SYNE2: variants seen among roughly 807,000 people sequenced by gnomAD.
SYNE2 encodes the protein nesprin-2.
Under a neutral mutation model 856.3 loss-of-function variants are expected in SYNE2, and 431 were observed. The ratio of observed to expected loss-of-function variants is 0.50; its 90% CI spans 0.47 to 0.55. The LOEUF (loss-of-function observed/expected upper bound fraction) is 0.55. SYNE2 is among the 20% of genes least tolerant of loss of function. SYNE2 has a pLI of 0.00. For missense variants in SYNE2, 8,129 were observed against 8,023.2 expected (o/e 1.01, Z -0.50); for synonymous variants, 2,923 against 2,872.3 (o/e 1.02, Z -0.56).
Position 64,103,328 on chromosome 14 carries a change from T to A in SYNE2, c.12492+1286T>A, listed in dbSNP as rs374372554. On this transcript the variant is annotated intron_variant, in intron 64 of 115. Transcript: ENST00000555002. ...ATTAACATGCCACTCTTTTGGGAGTTTTGGGTGGAGGGTCTCTCCATAATC... is the reference window on the plus strand; with the variant it reads ...ATTAACATGCCACTCTTTTGGGAGTATTGGGTGGAGGGTCTCTCCATAATC... Among the ~76,000 whole-genome samples, 243 of 151,572 alleles carry A rather than the reference T, an allele frequency of 1.6e-3. 2 individuals are homozygous for A. Among genetic ancestry groups the A allele is most frequent in the African/African-American group, 4.9e-3 (203 of 41,154 alleles).
Position 64,225,643 on chromosome 14 carries a change from C to T in SYNE2, c.*117C>T. 1 of 1,164,388 alleles carries T rather than the reference C, an allele frequency of 8.6e-7. No homozygotes were observed. Among genetic ancestry groups the T allele is most frequent in the Non-Finnish European group, 1.3e-6 (1 of 794,778 alleles). 72.1% of individuals were successfully genotyped at this position (1,164,388 alleles called of 1,614,324 possible). On this transcript the variant is annotated 3_prime_UTR_variant, in exon 116 of 116. Transcript: ENST00000555002. The stretch of plus-strand genomic sequence containing the variant: ...GGCAAGGTCCCGGGACCTGTGCAGA[C>T]TTCTTCTGGGCTTACCCAGCACGGG...
At chr14:64,154,147 T>C (rs2098267358) in intron 85 of SYNE2, among the ~76,000 whole-genome samples, 1 of 141,668 alleles carries the variant, frequency 7.1e-6, no homozygotes, top group Non-Finnish European at 1.5e-5. Flanking sequence ...CTGGGCAACA[T>C]AGCAAGACCC....
chr14:64,054,484 A>G (rs917900901), intron 48 of SYNE2, among the ~76,000 whole-genome samples: 3 of 152,232 alleles, frequency 2.0e-5, no homozygotes, highest in South Asian at 4.1e-4. Context: ...TTTTTCTCAG[A>G]GTCCTGAGAA....
intron 1 of SYNE2, among the ~76,000 whole-genome samples, chr14:63,834,789 C>T (rs371081508): frequency 2.2e-4 from 33 of 151,702 alleles, no homozygotes; most frequent in African/African-American, 6.8e-4. Context: ...TACAGGCACA[C>T]GTCATCACAC....
intron 57 of SYNE2, among the ~76,000 whole-genome samples, chr14:64,085,582 A>G (rs757326609): frequency 6.6e-6 from 1 of 152,274 alleles, no homozygotes; most frequent in Non-Finnish European, 1.5e-5. Context: ...TAAATAAATA[A>G]TAAACTGAGA....
chr14:63,881,673 T>G (rs2094868745), intron 1 of SYNE2, among the ~76,000 whole-genome samples: 1 of 151,554 alleles, frequency 6.6e-6, no homozygotes, highest in South Asian at 2.1e-4. Flanking sequence ...AATTTCTCCC[T>G]TAGTTAATTA....
At position 64,158,761 on chromosome 14, in the gene SYNE2, T is replaced by C. The variant is rs199976741; in HGVS notation, c.15929T>C (p.Leu5310Ser). The change falls in exon 86 of 116, where the codon TTG (leucine) becomes TCG (serine). Residue 5310 changes from leucine (L) to serine (S), a missense_variant. This residue lies in a region of SYNE2 where 5,410 missense variants were observed against 5,284.8 expected (regional missense o/e 1.02). Coordinates refer to ENST00000555002, the MANE Select transcript of SYNE2 (RefSeq NM_182914.3). ...MEHSKPVVLS[L>S]ETLRCQVENL... Reference sequence around the variant, plus strand: ...CACAGCAAGCCTGTGGTGTTATCATTGGAGACCTTGAGATGCCAGGTGGAG... The same window carrying C: ...CACAGCAAGCCTGTGGTGTTATCATCGGAGACCTTGAGATGCCAGGTGGAG... 42 of 1,613,994 alleles carry C rather than the reference T, an allele frequency of 2.6e-5. No homozygotes were observed. In the African/African-American group the frequency reaches 5.3e-4, roughly 20 times the overall value.
chr14:63,839,286 C>G (rs1889966517), intron 1 of SYNE2, among the ~76,000 whole-genome samples: 1 of 152,164 alleles, frequency 6.6e-6, no homozygotes, highest in African/African-American at 2.4e-5. Context: ...ACCTTGGCCT[C>G]CCAAAGTGCT....
chr14:64,014,069 T>C lies in SYNE2; in HGVS notation c.4729-2404T>C, dbSNP rs114708572. ...ATAGTCTCTATTTCTATAATTTTAT[T>C]ATTTTAAAAATGTTAAAAAATATTT... On this transcript the variant is annotated intron_variant, in intron 32 of 115. Transcript: ENST00000555002. Among the ~76,000 whole-genome samples the C allele has an allele frequency of 5.8e-3, 876 of 152,174 alleles. 13 individuals are homozygous for C. Among genetic ancestry groups the C allele is most frequent in the African/African-American group, 0.021 (853 of 41,574 alleles).
Position 64,209,590 on chromosome 14 carries a change from C to T in SYNE2, c.18540+12C>T, listed in dbSNP as rs2098629349. ...TGAAGAGGTTTGAGGTAAACACCTT[C>T]TCCATCCCGGTCTCCTGATCATAAC... On this transcript the variant is annotated intron_variant, in intron 102 of 115. Transcript: ENST00000555002. 1 of 1,613,688 alleles carries T rather than the reference C, an allele frequency of 6.2e-7. No individual in the cohort carries two copies. Among genetic ancestry groups the T allele is most frequent in the African/African-American group, 1.3e-5 (1 of 74,924 alleles).
intron 1 of SYNE2, among the ~76,000 whole-genome samples, chr14:63,846,928 G>T (rs1890244658): frequency 6.6e-6 from 1 of 151,748 alleles, no homozygotes; most frequent in South Asian, 2.1e-4. Context: ...CAGGTGGAAA[G>T]AACTACTTGT....
chr14:63,967,798 C>T lies in SYNE2; in HGVS notation c.1080C>T (p.Asp360=). 1.2e-6 allele frequency: 2 copies of T among 1,614,036 alleles called. No individual in the cohort carries two copies. The highest frequency in any genetic ancestry group is 2.2e-5 in the East Asian group (1 of 44,880). The change falls in exon 11 of 116, where the codon GAC becomes GAT. Residue 360 remains aspartate (D), a synonymous_variant. Coordinates refer to ENST00000555002, the MANE Select transcript of SYNE2 (RefSeq NM_182914.3). ...TAAAACGGGATCTGGATGAGCTGGA[C>T]AAGGATCATTTACAGTTGAGAGAAG... The part of the protein sequence containing the change: ...LSIKRDLDEL[D]KDHLQLREAW...
intron 57 of SYNE2, among the ~76,000 whole-genome samples, chr14:64,086,251 T>C (rs2097560461): frequency 6.6e-6 from 1 of 152,236 alleles, no homozygotes; most frequent in Non-Finnish European, 1.5e-5. Flanking sequence ...TTCTGCATCA[T>C]TTATTGATAA....
chr14:64,223,195 G>A lies in SYNE2; in HGVS notation c.20197G>A (p.Glu6733Lys), dbSNP rs150172232. ...ACACTTTATCTGTTTTCAGCAACTG[G>A]AAAAGGAGCTGGTAGAACGTCAACC... ...LECRRELMQLEKELVERQPQV... is the reference protein window; with the variant it reads ...LECRRELMQLKKELVERQPQV... The change falls in exon 113 of 116, where the codon GAA becomes AAA. Residue 6733 changes from glutamate (E) to lysine (K), a missense_variant. Glu to Lys is a moderately conservative substitution (Grantham distance 56). Coordinates refer to ENST00000555002, the MANE Select transcript of SYNE2 (RefSeq NM_182914.3). 2,431 of 1,613,772 alleles carry A rather than the reference G, an allele frequency of 1.5e-3. 4 individuals are homozygous for A. Among genetic ancestry groups the A allele is most frequent in the Middle Eastern group, 1.7e-3 (10 of 6,060 alleles).
At chr14:64,028,267 A>G (rs1484671804) in intron 43 of SYNE2, among the ~76,000 whole-genome samples, 7 of 151,626 alleles carry the variant, frequency 4.6e-5, no homozygotes, top group African/African-American at 1.5e-4. Context: ...TTATTTATTT[A>G]TTTTTAGAGA....
chr14:63,889,572 C>G (rs186298734), intron 1 of SYNE2, among the ~76,000 whole-genome samples: 2 of 152,088 alleles, frequency 1.3e-5, no homozygotes, highest in Non-Finnish European at 2.9e-5. Flanking sequence ...AACTCCTGAG[C>G]TCAAGGGATT....
At chr14:64,190,700 T>C (rs959740579) in intron 99 of SYNE2, 1 of 684,252 alleles carries the variant, frequency 1.5e-6, no homozygotes, top group South Asian at 1.6e-5. Context: ...GAGTCTACTC[T>C]TAAAGTGTGT....
chr14:63,831,907 A>G lies in SYNE2; in HGVS notation c.-304-20594A>G, dbSNP rs575082074. Among the ~76,000 whole-genome samples, 8 of 152,238 alleles carry G rather than the reference A, an allele frequency of 5.3e-5. No individual in the cohort carries two copies. In the East Asian group the frequency reaches 1.3e-3, roughly 26 times the overall value. ...ATTGAAGTCACTAAAATATCACATT[A>G]TTTTAAAAACTAACTAGAAAACATA... On this transcript the variant is annotated intron_variant, in intron 1 of 23. Transcript: ENST00000674003.
intron 21 of SYNE2, 127 bp downstream of exon 21, chr14:63,991,242 AT>A (rs1422956622): frequency 8.1e-6 from 8 of 991,858 alleles, no homozygotes; most frequent in Admixed American, 2.2e-5. Context: ...ATTTCCCAGT[AT>A]TCTATATTGT....
Sources: gnomAD v4.1 joint callset for allele counts (sites outside exome capture counted in the v4.1 genomes callset) on GRCh38, gnomAD v4.1.1 for gene constraint, gnomAD v4.1.1 regional missense constraint, MANE v1.5 for transcripts, NCBI Gene and HGNC (gene_info 2026-07-23, HGNC 2026-07-21) for gene names.